The following EBF1 variants were observed in gnomAD, a reference collection of about 807,000 sequenced individuals.
EBF1 encodes the protein transcription factor COE1.
In EBF1, 10 loss-of-function variants were observed where a neutral mutation model predicts 68.4. The ratio of observed to expected loss-of-function variants is 0.15; its 90% CI spans 0.09 to 0.25. EBF1 has a LOEUF of 0.25. EBF1 is among the 10% of genes least tolerant of loss of function. The pLI, the probability that EBF1 is intolerant of heterozygous loss-of-function variation, is 1.00. For missense variants in EBF1, 509 were observed against 794.4 expected, an observed-to-expected ratio of 0.64 and a Z score of 4.32; for synonymous variants, 298 against 299.8, an observed-to-expected ratio of 0.99 and a Z score of 0.06.
intron 6 of EBF1, among the ~76,000 whole-genome samples, chr5:158,998,395 C>T (rs1761874852): frequency 1.3e-5 from 2 of 152,284 alleles, no homozygotes; most frequent in African/African-American, 4.8e-5. Flanking sequence ...ACGACACTAA[C>T]TACCTGAGAT....
intron 10 of EBF1, among the ~76,000 whole-genome samples, chr5:158,733,866 T>C (rs1163321481): frequency 6.6e-6 from 1 of 152,178 alleles, no homozygotes; most frequent in Non-Finnish European, 1.5e-5. Flanking sequence ...CCTGATGATT[T>C]ATCTGATTGC....
chr5:158,856,867 A>T (rs1794114693), intron 6 of EBF1, among the ~76,000 whole-genome samples: 2 of 152,268 alleles, frequency 1.3e-5, no homozygotes, highest in South Asian at 4.1e-4. Flanking sequence ...GGTTCCCTTT[A>T]CCACTGTAGG....
At chr5:158,894,958 A>G (rs1801880506) in intron 6 of EBF1, among the ~76,000 whole-genome samples, 1 of 152,196 alleles carries the variant, frequency 6.6e-6, no homozygotes, top group African/African-American at 2.4e-5. Flanking sequence ...TACATATACT[A>G]TATATACTGT....
At chr5:159,094,000 C>CTTTTT (rs35491355) in intron 4 of EBF1, among the ~76,000 whole-genome samples, 1 of 130,124 alleles carries the variant, frequency 7.7e-6, no homozygotes, top group Non-Finnish European at 1.6e-5. Context: ...TCCCTCCCAA[C>CTTTTT]TTTTTTTTTT....
Position 158,981,954 on chromosome 5 carries a change from T to C in EBF1, c.554+91442A>G, listed in dbSNP as rs376813447. Among the ~76,000 whole-genome samples, 341 of 152,354 alleles carry C rather than the reference T, an allele frequency of 2.2e-3. 2 individuals are homozygous for C. Among genetic ancestry groups the C allele is most frequent in the African/African-American group, 7.5e-3 (310 of 41,588 alleles). On this transcript the variant is annotated intron_variant, in intron 6 of 15. Transcript: ENST00000313708. ...TTAACATACAGATCTGAGACTTGAC[T>C]CATGATCTAGCTAGATAAGCCTCCT... is the stretch of plus-strand genomic sequence containing the variant.
intron 6 of EBF1, among the ~76,000 whole-genome samples, chr5:159,051,785 A>G (rs1158963918): frequency 6.6e-6 from 1 of 152,048 alleles, no homozygotes; most frequent in Non-Finnish European, 1.5e-5. Context: ...GTTGTGCACA[A>G]TCACAATCGC....
At chr5:158,819,911 C>A (rs539466109) in intron 8 of EBF1, among the ~76,000 whole-genome samples, 1 of 152,180 alleles carries the variant, frequency 6.6e-6, no homozygotes, top group East Asian at 1.9e-4. Flanking sequence ...TTGGACCATG[C>A]AAGAGTCTAT....
At chr5:159,019,833 G>A (rs572708468) in intron 6 of EBF1, among the ~76,000 whole-genome samples, 4 of 151,956 alleles carry the variant, frequency 2.6e-5, no homozygotes, top group Non-Finnish European at 5.9e-5. Context: ...GATTGTTCTC[G>A]GTGCATCTCT....
chr5:158,724,802 G>A (rs547780192), intron 11 of EBF1, among the ~76,000 whole-genome samples: 5 of 152,324 alleles, frequency 3.3e-5, no homozygotes, highest in East Asian at 1.9e-4. Flanking sequence ...TATTAGATGA[G>A]CCCTTGCTGT....
chr5:158,874,467 A>T (rs1797440015), intron 6 of EBF1, among the ~76,000 whole-genome samples: 1 of 152,240 alleles, frequency 6.6e-6, no homozygotes, highest in African/African-American at 2.4e-5. Flanking sequence ...GTATTTAATT[A>T]GGGACAGCAA....
At chr5:158,969,919 A>AAG (rs1554093998) in intron 6 of EBF1, among the ~76,000 whole-genome samples, 1 of 60,176 alleles carries the variant, frequency 1.7e-5, no homozygotes, top group Non-Finnish European at 3.6e-5. Flanking sequence ...AAAGAAAGAA[A>AAG]AAAAAAAAAA....
chr5:158,757,011 C>T (rs1395326451), intron 10 of EBF1, among the ~76,000 whole-genome samples: 1 of 151,620 alleles, frequency 6.6e-6, no homozygotes, highest in Non-Finnish European at 1.5e-5. Context: ...AAAGTGGGCT[C>T]ATTCCAAATA....
At chr5:159,022,344 G>A (rs187690259) in intron 6 of EBF1, among the ~76,000 whole-genome samples, 284 of 152,304 alleles carry the variant, frequency 1.9e-3, no homozygotes, top group Non-Finnish European at 3.1e-3. Flanking sequence ...CACAGGATGT[G>A]CGCTGACTGA....
chr5:158,952,243 G>A (rs1051114444), intron 6 of EBF1, among the ~76,000 whole-genome samples: 1 of 152,162 alleles, frequency 6.6e-6, no homozygotes, highest in African/African-American at 2.4e-5. Flanking sequence ...AAAAGCTAGG[G>A]AAAGGCGATA....
chr5:158,712,897 A>G (rs933433013), intron 13 of EBF1, 73 bp downstream of exon 13: 1 of 1,348,650 alleles, frequency 7.4e-7, no homozygotes, highest in Non-Finnish European at 9.7e-7. Flanking sequence ...TAATGTAAAA[A>G]TTGTTCATGA....
intron 6 of EBF1, among the ~76,000 whole-genome samples, chr5:158,982,188 G>T (rs1758035721): frequency 6.6e-6 from 1 of 152,198 alleles, no homozygotes; most frequent in Admixed American, 6.5e-5. Flanking sequence ...AATATCTTTA[G>T]AAATCCTAGG....
intron 6 of EBF1, among the ~76,000 whole-genome samples, chr5:158,870,250 C>G (rs567742842): frequency 3.3e-5 from 5 of 152,112 alleles, no homozygotes; most frequent in Non-Finnish European, 5.9e-5. Flanking sequence ...CTGGGCATTT[C>G]TGGAGTTCCA....
At chr5:158,710,005 A>T (rs1459049073) in intron 14 of EBF1, among the ~76,000 whole-genome samples, 1 of 152,230 alleles carries the variant, frequency 6.6e-6, no homozygotes, top group East Asian at 1.9e-4. Flanking sequence ...TTGTTATAAC[A>T]TTATTAGTTA....
chr5:158,963,998 C>CG (rs1454694665), intron 6 of EBF1, among the ~76,000 whole-genome samples: 1 of 152,054 alleles, frequency 6.6e-6, no homozygotes, highest in Non-Finnish European at 1.5e-5. Context: ...AATGCTATGA[C>CG]GGAGAAAGAG....
Sources: allele counts gnomAD v4.1 joint callset (sites outside exome capture counted in the v4.1 genomes callset), GRCh38; gene constraint gnomAD v4.1.1; transcripts MANE v1.5; gene names NCBI Gene and HGNC (gene_info 2026-07-23, HGNC 2026-07-21).